Variants in SEZ6L observed in about 807,000 individuals in gnomAD.
The protein encoded by SEZ6L is seizure 6-like protein.
Under a neutral mutation model 106.2 loss-of-function variants are expected in SEZ6L, and 37 were observed. The observed-to-expected ratio is 0.35, with a 90% confidence interval of 0.27 to 0.46. SEZ6L has a LOEUF of 0.46. Ranked by LOEUF, SEZ6L falls within the 20% of genes least tolerant of loss-of-function variation. The pLI is 1.00. For synonymous variants in SEZ6L, 541 were observed against 570.4 expected, an observed-to-expected ratio of 0.95 and a Z score of 0.73; for missense variants, 1,172 against 1,332.8, an observed-to-expected ratio of 0.88 and a Z score of 1.88.
intron 3 of SEZ6L, among the ~76,000 whole-genome samples, chr22:26,296,679 G>C (rs947411721): frequency 1.6e-4 from 24 of 152,352 alleles, no homozygotes; most frequent in Non-Finnish European, 2.2e-4. Flanking sequence ...TTGCAGTTTG[G>C]TTTCACTCTA....
chr22:26,265,718 T>C (rs1207881957), intron 1 of SEZ6L, among the ~76,000 whole-genome samples: 2 of 152,222 alleles, frequency 1.3e-5, no homozygotes, highest in African/African-American at 4.8e-5. Flanking sequence ...CTCTGAGTTC[T>C]TCAAATAGAA....
chr22:26,323,120 C>CG (rs1246711350), intron 9 of SEZ6L, among the ~76,000 whole-genome samples: 1 of 152,154 alleles, frequency 6.6e-6, no homozygotes, highest in Non-Finnish European at 1.5e-5. Context: ...GAGCTCAGCA[C>CG]GGGGGCCACA....
intron 12 of SEZ6L, among the ~76,000 whole-genome samples, chr22:26,361,016 A>G (rs550686797): frequency 4.3e-4 from 65 of 152,312 alleles, no homozygotes; most frequent in African/African-American, 1.6e-3. Flanking sequence ...TAGATACACT[A>G]CGGGGATACC....
intron 9 of SEZ6L, among the ~76,000 whole-genome samples, chr22:26,327,645 CAT>C (rs2082360505): frequency 6.7e-6 from 1 of 148,938 alleles, no homozygotes; most frequent in Admixed American, 6.7e-5. Context: ...ACACGCACCA[CAT>C]GACACACCAC....
At chr22:26,207,220 A>G (rs779301243) in intron 1 of SEZ6L, among the ~76,000 whole-genome samples, 23 of 152,186 alleles carry the variant, frequency 1.5e-4, no homozygotes, top group Non-Finnish European at 2.6e-4. Context: ...AGGAGAAGGC[A>G]CCACAGTATT....
chr22:26,276,928 C>T (rs974449793), intron 1 of SEZ6L, among the ~76,000 whole-genome samples: 4 of 152,104 alleles, frequency 2.6e-5, no homozygotes, highest in African/African-American at 7.2e-5. Flanking sequence ...GGCTCATTCA[C>T]GAGGAAGATG....
At chr22:26,275,279 C>A (rs2080506881) in intron 1 of SEZ6L, among the ~76,000 whole-genome samples, 1 of 152,146 alleles carries the variant, frequency 6.6e-6, no homozygotes, top group South Asian at 2.1e-4. Flanking sequence ...TTCTTTATAG[C>A]AATTTCATTA....
At chr22:26,254,038 G>T (rs559778088) in intron 1 of SEZ6L, 1 of 152,334 alleles carries the variant, frequency 6.6e-6, no homozygotes, top group Non-Finnish European at 1.5e-5. Flanking sequence ...TCAAGTGAAT[G>T]CACCTGCAAC....
In SEZ6L at chr22:26,296,974, A is replaced by G. The variant is rs1189357747; in HGVS notation, c.1056A>G (p.Thr352=). ...CCCTGACCGTCCTGGCCAACCAGACACTCCTGGTGGAGGGGCAGGTAATCC... is the reference window on the plus strand; with the variant it reads ...CCCTGACCGTCCTGGCCAACCAGACGCTCCTGGTGGAGGGGCAGGTAATCC... ...GPTLTVLANQ[T]LLVEGQVIRS... The change falls in exon 4 of 17, where the codon ACA becomes ACG. Residue 352 remains threonine, a synonymous_variant. Transcript: ENST00000248933. 2.5e-6 allele frequency: 4 copies of G among 1,613,766 alleles called. No homozygotes were observed. The African/African-American group carries it at 4.0e-5, about 16-fold the overall frequency.
chr22:26,311,427 C>G (rs1347957902), intron 7 of SEZ6L, among the ~76,000 whole-genome samples: 1 of 152,234 alleles, frequency 6.6e-6, no homozygotes, highest in East Asian at 1.9e-4. Context: ...TTATCATAGA[C>G]AGCCCTACAG....
intron 1 of SEZ6L, among the ~76,000 whole-genome samples, chr22:26,257,254 C>G (rs1050260213): frequency 2.0e-5 from 3 of 152,156 alleles, no homozygotes; most frequent in Non-Finnish European, 2.9e-5. Context: ...TAAGCAAGCT[C>G]TAGTCCTTGA....
intron 1 of SEZ6L, among the ~76,000 whole-genome samples, chr22:26,214,986 T>A (rs2078259855): frequency 6.6e-6 from 1 of 152,188 alleles, no homozygotes. Flanking sequence ...GGGCAGGCAC[T>A]AAGTAAGTGT....
chr22:26,348,870 G>A (rs1462809325), intron 11 of SEZ6L, among the ~76,000 whole-genome samples: 1 of 60,884 alleles, frequency 1.6e-5, no homozygotes, highest in Non-Finnish European at 3.0e-5. Flanking sequence ...GAGGGTGAGG[G>A]AAGGGGAGTG....
Position 26,378,596 on chromosome 22 carries a change from G to A in SEZ6L, c.3045+821G>A, listed in dbSNP as rs74670586. ...GAATGTATAATGGGGACACTTAGAG[G>A]GAGTTGGGGAAGGCATCATTGAGAA... On this transcript the variant is annotated intron_variant, in intron 16 of 16. Transcript: ENST00000248933. 9.2e-3 allele frequency among the ~76,000 whole-genome samples: 1,404 copies of A among 152,290 alleles called. 19 individuals carry two copies. Among genetic ancestry groups the A allele is most frequent in the African/African-American group, 0.032 (1,331 of 41,550 alleles).
intron 1 of SEZ6L, among the ~76,000 whole-genome samples, chr22:26,237,871 G>A (rs1056099770): frequency 3.3e-5 from 5 of 152,118 alleles, no homozygotes; most frequent in Non-Finnish European, 7.4e-5. Flanking sequence ...CTGTTTAAGT[G>A]TACACCTAGT....
In SEZ6L at chr22:26,262,088, G is replaced by A. The variant is rs16981621; in HGVS notation, c.95-30318G>A. Among the ~76,000 whole-genome samples the A allele has an allele frequency of 3.9e-3, 594 of 151,998 alleles. 7 individuals carry two copies. Among genetic ancestry groups the A allele is most frequent in the African/African-American group, 0.014 (562 of 41,494 alleles). On this transcript the variant is annotated intron_variant, in intron 1 of 16. Coordinates refer to ENST00000248933, the MANE Select transcript of SEZ6L (RefSeq NM_021115.5). ...TTCTCTTGTTTCCAGGGTAGCAAGT[G>A]AGTTCTATGAGACAAAAGAATTCTG... is the stretch of plus-strand genomic sequence containing the variant.
At chr22:26,183,701 C>T (rs1939562827) in intron 1 of SEZ6L, among the ~76,000 whole-genome samples, 1 of 152,138 alleles carries the variant, frequency 6.6e-6, no homozygotes. Context: ...GTTGGCATTT[C>T]CTTCTTTTGT....
At position 26,325,376 on chromosome 22, in the gene SEZ6L, A is replaced by G. The variant is rs532359778; in HGVS notation, c.2015+11474A>G. On this transcript the variant is annotated intron_variant, in intron 9 of 16. Transcript: ENST00000248933. ...AGCTCCAAATGATATTACTGTGTACAATGATCCTATGAGATCTGAGCATCA... is the reference window on the plus strand; with the variant it reads ...AGCTCCAAATGATATTACTGTGTACGATGATCCTATGAGATCTGAGCATCA... Among the ~76,000 whole-genome samples, 84 of 152,300 alleles carry G rather than the reference A, an allele frequency of 5.5e-4. 1 individual carries two copies. The highest frequency in any genetic ancestry group is 5.2e-3 in the South Asian group (25 of 4,802).
rs1039141701 is a variant in SEZ6L at position 26,331,200 on chromosome 22, G to A, written c.2016-9236G>A. Among the ~76,000 whole-genome samples, 6 of 152,196 alleles carry A rather than the reference G, an allele frequency of 3.9e-5. No individual in the cohort carries two copies. The East Asian group carries it at 9.6e-4, about 24-fold the overall frequency. On this transcript the variant is annotated intron_variant, in intron 9 of 16. Transcript: ENST00000248933. ...TAGGCATACACTGCCCTCTGCAGGTGAGCAGCAGGATTACATAACCAGAGA... is the reference window on the plus strand; with the variant it reads ...TAGGCATACACTGCCCTCTGCAGGTAAGCAGCAGGATTACATAACCAGAGA...
Sources: gnomAD v4.1 joint callset for allele counts (sites outside exome capture counted in the v4.1 genomes callset) on GRCh38, gnomAD v4.1.1 for gene constraint, MANE v1.5 for transcripts, NCBI Gene and HGNC (gene_info 2026-07-23, HGNC 2026-07-21) for gene names.